The following COL4A3 variants were observed in gnomAD, a reference collection of about 807,000 sequenced individuals.
COL4A3 encodes the protein collagen type IV alpha 3 chain.
COL4A3 carries 135 observed loss-of-function variants against 217.4 expected under a neutral mutation model. The observed-to-expected ratio is 0.62, with a 90% CI of 0.54 to 0.72. COL4A3 has a LOEUF of 0.72. Ranked by LOEUF, COL4A3 falls within the 30% of genes least tolerant of loss-of-function variation. The pLI is 0.00. For synonymous variants in COL4A3, 690 were observed against 736.3 expected, an observed-to-expected ratio of 0.94 and a Z score of 1.02; for missense variants, 1,868 against 2,119.9, an observed-to-expected ratio of 0.88 and a Z score of 2.33.
At chr2:227,305,736 T>C (rs1303217306) in intron 47 of COL4A3, 1 of 152,822 alleles carries the variant, frequency 6.5e-6, no homozygotes, top group Non-Finnish European at 1.5e-5. Flanking sequence ...AACTCTTAAG[T>C]ATAGTGTTTT....
At position 227,263,867 on chromosome 2, in the gene COL4A3, C is replaced by A. The variant is rs2070738434; in HGVS notation, c.1238C>A (p.Ala413Asp). Residue 413 changes from alanine (A) to aspartate (D), a missense_variant, in exon 21 of 52, where the codon GCC becomes GAC. Around this residue, in one of 2 missense-constraint regions of COL4A3, gnomAD observed 1,503 missense variants for 1,786.1 expected, o/e 0.84. Coordinates refer to ENST00000396578, the MANE Select transcript of COL4A3 (RefSeq NM_000091.5). ...GAACGAGGCCGCCCAGGAAAGGATGCCATGGGGACTCCTGGGTCCCCAGGT... is the reference window on the plus strand; with the variant it reads ...GAACGAGGCCGCCCAGGAAAGGATGACATGGGGACTCCTGGGTCCCCAGGT... ...KGERGRPGKD[A>D]MGTPGSPGCA... is the part of the protein sequence containing the mutation. The A allele has an allele frequency of 6.2e-7, 1 of 1,614,102 alleles. No homozygotes were observed. The highest frequency in any genetic ancestry group is 1.1e-5 in the South Asian group (1 of 91,084).
intron 1 of COL4A3, among the ~76,000 whole-genome samples, chr2:227,228,238 G>A (rs1159653306): frequency 6.6e-6 from 1 of 152,212 alleles, no homozygotes; most frequent in African/African-American, 2.4e-5. Flanking sequence ...GGGGCATCCC[G>A]CAAAGCAGTC....
At chr2:227,230,062 A>AAAAAG (rs10683664) in intron 1 of COL4A3, among the ~76,000 whole-genome samples, 45,180 of 147,098 alleles carry the variant, frequency 0.31, 7,515 homozygotes, top group Non-Finnish European at 0.35. Context: ...AAAAAAAAAA[A>AAAAAG]AAAAGAAATT....
intron 1 of COL4A3, among the ~76,000 whole-genome samples, chr2:227,170,690 A>G (rs2065445635): frequency 6.6e-6 from 1 of 152,208 alleles, no homozygotes; most frequent in African/African-American, 2.4e-5. Context: ...ACTTCAGGGC[A>G]ATGCTAAATA....
rs1266275711 is a variant in COL4A3 at position 227,277,319 on chromosome 2, C to T, written c.2021-130C>T. ...GGGCGACAGACCGAAACTCCATCAA[C>T]AGGAAAAAAAAAAAAAAAAAACAAT... On this transcript the variant is annotated intron_variant, in intron 27 of 51. Transcript: ENST00000396578. 7 of 537,564 alleles carry T rather than the reference C, an allele frequency of 1.3e-5. No homozygotes were observed. In the Admixed American group the frequency reaches 1.9e-4, roughly 14 times the overall value. The allele number at this position is 537,564 out of a possible 1,614,324, so 33.3% of individuals were successfully genotyped here. A position where few individuals can be genotyped will look rare whatever the true frequency, so the allele number is the denominator to read the frequency against.
chr2:227,290,237 C>A, intron 36 of COL4A3, 149 bp downstream of exon 36: 2 of 739,880 alleles, frequency 2.7e-6, no homozygotes, highest in South Asian at 1.5e-5. Flanking sequence ...GTGGCTCATG[C>A]CTGTAATCCC....
Position 227,313,813 on chromosome 2 carries a change from T to A in COL4A3, c.*1943T>A, listed in dbSNP as rs1456260854. On this transcript the variant is annotated 3_prime_UTR_variant, in exon 52 of 52. Coordinates refer to ENST00000396578, the MANE Select transcript of COL4A3 (RefSeq NM_000091.5). ...TAGCGGCATATAGAGCTAGCTAATC[T>A]CTACAAACCCTCTGTAGGCCAGTAG... 6.6e-6 allele frequency: 1 copy of A among 152,234 alleles called. No individual in the cohort carries two copies. Among genetic ancestry groups the A allele is most frequent in the Non-Finnish European group, 1.5e-5 (1 of 68,050 alleles). The allele number at this position is 152,234 out of a possible 1,614,324, so 9.4% of individuals were successfully genotyped here.
chr2:227,233,311 C>T (rs957051926), intron 1 of COL4A3, among the ~76,000 whole-genome samples: 1 of 149,454 alleles, frequency 6.7e-6, no homozygotes, highest in Non-Finnish European at 1.5e-5. Context: ...CCATGCCTGG[C>T]CCCTACAAGC....
chr2:227,277,303 A>T, intron 27 of COL4A3, 146 bp from the exon 28 acceptor site: 1 of 638,100 alleles, frequency 1.6e-6, no homozygotes, highest in East Asian at 2.8e-5. Flanking sequence ...TGGGCGACAG[A>T]CCGAAACTCC....
chr2:227,310,034 G>A (rs2106292166), intron 50 of COL4A3, among the ~76,000 whole-genome samples: 1 of 152,314 alleles, frequency 6.6e-6, no homozygotes, highest in Non-Finnish European at 1.5e-5. Flanking sequence ...AAATAAGAAT[G>A]AAGTACTTTC....
At chr2:227,234,586 A>G (rs1428877720) in intron 1 of COL4A3, among the ~76,000 whole-genome samples, 1 of 152,206 alleles carries the variant, frequency 6.6e-6, no homozygotes, top group African/African-American at 2.4e-5. Context: ...TGTTTACGAC[A>G]TCTTATATGC....
chr2:227,190,741 T>C (rs1224401639), intron 1 of COL4A3, among the ~76,000 whole-genome samples: 1 of 152,176 alleles, frequency 6.6e-6, no homozygotes, highest in Non-Finnish European at 1.5e-5. Context: ...ACCTCGTCTC[T>C]ACAAAAAATT....
chr2:227,184,891 C>CT (rs34345055), intron 1 of COL4A3, among the ~76,000 whole-genome samples: 6,798 of 62,550 alleles, frequency 0.11, 2,708 homozygotes, highest in Non-Finnish European at 0.13. Context: ...CCTCACTGGC[C>CT]TTTTTTTTTT....
At chr2:227,311,012 T>G (rs2073720954) in intron 51 of COL4A3, 64 bp downstream of exon 51, 1 of 1,581,196 alleles carries the variant, frequency 6.3e-7, no homozygotes. Flanking sequence ...AGGTTGCCTG[T>G]GTTCTTGGGT....
At chr2:227,179,439 A>G (rs1006613882) in intron 1 of COL4A3, among the ~76,000 whole-genome samples, 1 of 152,240 alleles carries the variant, frequency 6.6e-6, no homozygotes, top group Non-Finnish European at 1.5e-5. Flanking sequence ...TGACTCTGCA[A>G]TCTAAAAATA....
At chr2:227,291,225 A>G (rs1190015666) in intron 37 of COL4A3, among the ~76,000 whole-genome samples, 1 of 152,272 alleles carries the variant, frequency 6.6e-6, no homozygotes, top group East Asian at 1.9e-4. Flanking sequence ...TTTCTGCTGT[A>G]CTCATCTCAG....
intron 1 of COL4A3, chr2:227,221,618 T>C (rs1229215839): frequency 6.6e-6 from 1 of 152,176 alleles, no homozygotes; most frequent in Non-Finnish European, 1.5e-5. Context: ...ATTATCTAAA[T>C]GTTTACAACC....
chr2:227,169,625 A>G (rs2065405423), intron 1 of COL4A3, among the ~76,000 whole-genome samples: 1 of 152,088 alleles, frequency 6.6e-6, no homozygotes, highest in East Asian at 1.9e-4. Flanking sequence ...TTTGATTCGC[A>G]TTTCTATGAT....
In COL4A3 at chr2:227,306,183, CAGCAAG is replaced by C. The variant is rs533639246; in HGVS notation, c.4252+1107_4252+1112del. On this transcript the variant is annotated intron_variant, in intron 47 of 51. Transcript: ENST00000396578. ...CTTTAATGCCCTAAGAATGGGGCAA[CAGCAAG>C]AGCAAGGGCACTGCAATATAAATTT... 2.6e-4 allele frequency among the ~76,000 whole-genome samples: 39 copies of C among 152,204 alleles called. No homozygotes were observed. In the South Asian group the frequency reaches 7.7e-3, roughly 30 times the overall value.
Sources: gnomAD v4.1 joint callset for allele counts (sites outside exome capture counted in the v4.1 genomes callset) on GRCh38, gnomAD v4.1.1 for gene constraint, gnomAD v4.1.1 regional missense constraint, MANE v1.5 for transcripts, NCBI Gene and HGNC (gene_info 2026-07-23, HGNC 2026-07-21) for gene names.